LRRC1: variants seen among roughly 807,000 people sequenced by gnomAD.
LRRC1 encodes leucine rich repeat containing 1.
LRRC1 carries 28 observed loss-of-function variants against 69.9 expected under a neutral mutation model. The observed-to-expected ratio is 0.40, with a 90% confidence interval of 0.30 to 0.55. LRRC1 has a LOEUF of 0.55. Among genes scored for constraint, LRRC1 ranks in the 20% least tolerant of loss-of-function variants. LRRC1 has a pLI of 0.47. For missense variants in LRRC1, 498 were observed against 609.0 expected (o/e 0.82, Z 1.92); for synonymous variants, 236 against 240.2 (o/e 0.98, Z 0.16).
At chr6:53,921,034 C>T (rs984288880) in intron 13 of LRRC1, among the ~76,000 whole-genome samples, 1 of 151,856 alleles carries the variant, frequency 6.6e-6, no homozygotes, top group Non-Finnish European at 1.5e-5. Context: ...GTGGAGTGAT[C>T]TCAGCTCACT....
At chr6:53,865,833 T>A (rs1766685587) in intron 2 of LRRC1, among the ~76,000 whole-genome samples, 1 of 151,884 alleles carries the variant, frequency 6.6e-6, no homozygotes, top group African/African-American at 2.4e-5. Flanking sequence ...GTGATTCTTT[T>A]GCCTCAGCCT....
At chr6:53,879,133 G>A (rs780490390) in intron 3 of LRRC1, 62 bp downstream of exon 3, 31 of 1,111,212 alleles carry the variant, frequency 2.8e-5, no homozygotes, top group African/African-American at 2.2e-4. Flanking sequence ...AGAGCCAAGC[G>A]GAGAACACAG....
chr6:53,882,832 C>A, intron 3 of LRRC1, 55 bp from the exon 4 acceptor site: 2 of 1,050,110 alleles, frequency 1.9e-6, no homozygotes, highest in Non-Finnish European at 2.9e-6. Context: ...GCTTGGTATA[C>A]ACTATACATG....
chr6:53,922,745 C>T lies in LRRC1; in HGVS notation c.1527C>T (p.Asn509=). The T allele has an allele frequency of 6.2e-7, 1 of 1,614,036 alleles. No individual in the cohort carries two copies. The change falls in exon 14 of 14, where the codon AAC becomes AAT. Residue 509 remains asparagine, a synonymous_variant. Transcript: ENST00000370888. ...DMNAAKGLDS[N]KNEVNHAIDR... is the part of the protein sequence containing the mutation. ...ATGCTGCTAAAGGACTGGACTCAAA[C>T]AAAAACGAGGTCAATCATGCCATTG...
rs967191810 is a variant in LRRC1, at chr6:53,842,342, G to C, written c.277+115G>C. 3 of 674,120 alleles carry C rather than the reference G, an allele frequency of 4.5e-6. No individual in the cohort carries two copies. The African/African-American group carries it at 5.4e-5, about 12-fold the overall frequency. The allele number at this position is 674,120 out of a possible 1,614,324, so 41.8% of individuals were successfully genotyped here. A position where few individuals can be genotyped will look rare whatever the true frequency, so the allele number is the denominator to read the frequency against. On this transcript the variant is annotated intron_variant, in intron 2 of 13. Transcript: ENST00000370888. ...TGTTTGGTTTTTTGTCCTTGTGATAGTTCGCTGAGAATGATGGTTTCCAGC... is the reference window on the plus strand; with the variant it reads ...TGTTTGGTTTTTTGTCCTTGTGATACTTCGCTGAGAATGATGGTTTCCAGC...
At chr6:53,898,763 TAGAC>T (rs1767955911) in intron 7 of LRRC1, among the ~76,000 whole-genome samples, 1 of 152,202 alleles carries the variant, frequency 6.6e-6, no homozygotes, top group Non-Finnish European at 1.5e-5. Context: ...TAGTTTCCTT[TAGAC>T]AGGAAATACA....
intron 2 of LRRC1, among the ~76,000 whole-genome samples, chr6:53,872,538 T>G (rs1205955737): frequency 6.6e-6 from 1 of 152,178 alleles, no homozygotes; most frequent in Non-Finnish European, 1.5e-5. Flanking sequence ...TCCTTTTTTT[T>G]GTATCCTTTT....
chr6:53,852,300 A>G (rs922035828), intron 2 of LRRC1, among the ~76,000 whole-genome samples: 3 of 152,242 alleles, frequency 2.0e-5, no homozygotes, highest in African/African-American at 4.8e-5. Context: ...TAATTCTATC[A>G]TCTTTCATTT....
At chr6:53,903,164 G>C (rs1257325337) in intron 9 of LRRC1, among the ~76,000 whole-genome samples, 1 of 152,132 alleles carries the variant, frequency 6.6e-6, no homozygotes, top group Non-Finnish European at 1.5e-5. Context: ...GATGGACGTT[G>C]GCCAGGAAAA....
chr6:53,821,916 CT>C (rs1315519339), intron 1 of LRRC1, among the ~76,000 whole-genome samples: 115 of 131,208 alleles, frequency 8.8e-4, no homozygotes, highest in Admixed American at 2.9e-3. Flanking sequence ...TTGTTTTTCT[CT>C]TTTTTTTTTA....
chr6:53,845,296 G>T (rs891730830), intron 2 of LRRC1, among the ~76,000 whole-genome samples: 1 of 152,166 alleles, frequency 6.6e-6, no homozygotes, highest in African/African-American at 2.4e-5. Context: ...GGGGTCTTAG[G>T]CCATTTCTTG....
chr6:53,822,918 G>A (rs571683045), intron 1 of LRRC1, among the ~76,000 whole-genome samples: 30 of 152,266 alleles, frequency 2.0e-4, no homozygotes, highest in South Asian at 4.1e-4. Flanking sequence ...GCCCTCCCGC[G>A]TCCTGGAAAG....
At chr6:53,829,244 T>G (rs1037533939) in intron 1 of LRRC1, among the ~76,000 whole-genome samples, 7 of 152,238 alleles carry the variant, frequency 4.6e-5, no homozygotes, top group African/African-American at 1.7e-4. Context: ...TCTCTGTGCT[T>G]CAGTTGGACC....
intron 1 of LRRC1, among the ~76,000 whole-genome samples, chr6:53,814,988 G>A (rs1764909150): frequency 6.6e-6 from 1 of 152,190 alleles, no homozygotes; most frequent in Non-Finnish European, 1.5e-5. Context: ...TAAGGAACTA[G>A]GCTGTCTTTC....
chr6:53,832,139 A>G (rs1235009990), intron 1 of LRRC1, among the ~76,000 whole-genome samples: 4 of 152,202 alleles, frequency 2.6e-5, no homozygotes, highest in Admixed American at 6.5e-5. Flanking sequence ...GTGACTGACC[A>G]TAAAATCGCC....
chr6:53,804,126 T>C (rs947958357), intron 1 of LRRC1, among the ~76,000 whole-genome samples: 1 of 152,212 alleles, frequency 6.6e-6, no homozygotes, highest in African/African-American at 2.4e-5. Context: ...GTGTTTATCT[T>C]ATTATGAGAG....
At chr6:53,815,902 T>C (rs1230241325) in intron 1 of LRRC1, among the ~76,000 whole-genome samples, 3 of 152,252 alleles carry the variant, frequency 2.0e-5, no homozygotes, top group South Asian at 2.1e-4. Flanking sequence ...TCTTGGCCCA[T>C]ACTGCTGTCA....
At chr6:53,843,525 C>T (rs1208650863) in intron 2 of LRRC1, among the ~76,000 whole-genome samples, 1 of 152,170 alleles carries the variant, frequency 6.6e-6, no homozygotes, top group Non-Finnish European at 1.5e-5. Flanking sequence ...TTCTATTTTG[C>T]ATGAAAATTA....
rs190907104 is a variant in LRRC1, at chr6:53,903,029, G to A, written c.906+282G>A. ...TGAGGTGTGGGGATAAGCTACTCTC[G>A]TTGGATGTGTTGATGCCCCAGCTGT... On this transcript the variant is annotated intron_variant, in intron 9 of 13. Coordinates refer to ENST00000370888, the MANE Select transcript of LRRC1 (RefSeq NM_018214.5). Among the ~76,000 whole-genome samples, 13 of 152,240 alleles carry A rather than the reference G, an allele frequency of 8.5e-5. 1 individual carries two copies. Among genetic ancestry groups the A allele is most frequent in the South Asian group, 2.1e-4 (1 of 4,820 alleles).
Sources: allele counts gnomAD v4.1 joint callset (sites outside exome capture counted in the v4.1 genomes callset), GRCh38; gene constraint gnomAD v4.1.1; transcripts MANE v1.5; gene names NCBI Gene and HGNC (gene_info 2026-07-23, HGNC 2026-07-21).